The following SV2C variants were observed in gnomAD, a reference collection of about 807,000 sequenced individuals.
The protein encoded by SV2C is solute carrier family 22 member B3.
Under a neutral mutation model 79.7 loss-of-function variants are expected in SV2C, and 49 were observed. The observed-to-expected ratio is 0.61, with a 90% confidence interval of 0.49 to 0.78. The LOEUF (loss-of-function observed/expected upper bound fraction) is 0.78, where lower values mean the gene tolerates loss of function less well. Among genes scored for constraint, SV2C ranks in the 30% least tolerant of loss-of-function variants. SV2C has a pLI of 0.00. For missense variants in SV2C, 833 were observed against 912.9 expected, an observed-to-expected ratio of 0.91 and a Z score of 1.13; for synonymous variants, 334 against 333.2, an observed-to-expected ratio of 1.00 and a Z score of -0.03.
At chr5:75,986,021 A>G in the SV2C span, among the ~76,000 whole-genome samples, 1 of 151,052 alleles carries the variant, frequency 6.6e-6, no homozygotes, top group Non-Finnish European at 1.5e-5. Context: ...TTGATTGTGA[A>G]TAAATGTAGT....
chr5:76,095,590 G>A (rs1580261842), intron 1 of SV2C, among the ~76,000 whole-genome samples: 1 of 152,112 alleles, frequency 6.6e-6, no homozygotes, highest in East Asian at 1.9e-4. Context: ...GTCTTCCAAA[G>A]TCATGTGGCA....
the SV2C span, among the ~76,000 whole-genome samples, chr5:75,869,947 G>A: frequency 2.0e-5 from 3 of 152,106 alleles, no homozygotes; most frequent in Admixed American, 6.6e-5. Flanking sequence ...AGCGTTTCTG[G>A]GCTTGGGATG....
chr5:76,100,959 C>A (rs767502920), intron 1 of SV2C, among the ~76,000 whole-genome samples: 3 of 152,182 alleles, frequency 2.0e-5, no homozygotes, highest in Admixed American at 6.5e-5. Context: ...GTCCCCAAGG[C>A]TGGGGGTTGG....
At chr5:76,005,528 A>G in the SV2C span, among the ~76,000 whole-genome samples, 69,831 of 152,022 alleles carry the variant, frequency 0.46, 16,880 homozygotes, top group Middle Eastern at 0.62. Context: ...ATGACTAGGA[A>G]GGCTCATTAC....
the SV2C span, among the ~76,000 whole-genome samples, chr5:75,949,563 A>G: frequency 6.6e-6 from 1 of 152,006 alleles, no homozygotes; most frequent in African/African-American, 2.4e-5. Flanking sequence ...AGATAGCTGG[A>G]TCATAGGGGA....
At chr5:76,195,561 T>C (rs1363878117) in intron 3 of SV2C, among the ~76,000 whole-genome samples, 6 of 152,200 alleles carry the variant, frequency 3.9e-5, no homozygotes, top group Admixed American at 3.9e-4. Context: ...GTAGAAAGCC[T>C]CCTTGAGACG....
In SV2C at chr5:76,298,883, A is replaced by G. The variant is rs769292915; in HGVS notation, c.1592A>G (p.Tyr531Cys). ...TFEDVTSVNTYFKNCTFIDTV... is the reference protein window; with the variant it reads ...TFEDVTSVNTCFKNCTFIDTV... ...GAGGATGTAACTTCAGTGAACACCT[A>G]CTTCAAGAACTGCACATTTATTGAC... is the stretch of plus-strand genomic sequence containing the variant. Residue 531 changes from tyrosine (Y) to cysteine (C), a missense_variant, in exon 10 of 13, where the codon TAC (tyrosine) becomes TGC (cysteine). Coordinates refer to ENST00000502798, the MANE Select transcript of SV2C (RefSeq NM_014979.4). 16 of 1,614,002 alleles carry G rather than the reference A, an allele frequency of 9.9e-6. No individual in the cohort carries two copies. The East Asian group carries it at 3.1e-4, about 31-fold the overall frequency.
At chr5:76,334,826 G>A (rs955209538), downstream of SV2C, among the ~76,000 whole-genome samples, 1 of 152,150 alleles carries the variant, frequency 6.6e-6, no homozygotes, top group Non-Finnish European at 1.5e-5. Context: ...GACTAATCAA[G>A]AGTCACCTCT....
chr5:76,343,657 C>A (rs906216107), intron 12 of SV2C, among the ~76,000 whole-genome samples: 2 of 152,206 alleles, frequency 1.3e-5, no homozygotes, highest in African/African-American at 4.8e-5. Flanking sequence ...TTTGGAAATA[C>A]CTGCTAAAGC....
intron 1 of SV2C, among the ~76,000 whole-genome samples, chr5:76,108,511 C>G (rs953820847): frequency 6.6e-6 from 1 of 152,100 alleles, no homozygotes; most frequent in Non-Finnish European, 1.5e-5. Flanking sequence ...CTTTAAATTT[C>G]TATATTTTAA....
the SV2C span, among the ~76,000 whole-genome samples, chr5:75,947,586 C>T: frequency 6.6e-6 from 1 of 152,040 alleles, no homozygotes; most frequent in Non-Finnish European, 1.5e-5. Flanking sequence ...ATGTGCTCCA[C>T]TACGCAGAGT....
chr5:76,055,628 A>G, the SV2C span, among the ~76,000 whole-genome samples: 1 of 152,206 alleles, frequency 6.6e-6, no homozygotes, highest in South Asian at 2.1e-4. Flanking sequence ...CCTATCCATG[A>G]GCATGGAATG....
chr5:76,250,769 G>A (rs949133868), intron 4 of SV2C, among the ~76,000 whole-genome samples: 2 of 152,204 alleles, frequency 1.3e-5, no homozygotes, highest in Non-Finnish European at 2.9e-5. Context: ...ATCATCAAGA[G>A]CAAAACCCAA....
At chr5:76,171,608 TGG>T (rs1184285564) in intron 2 of SV2C, among the ~76,000 whole-genome samples, 3 of 104,892 alleles carry the variant, frequency 2.9e-5, no homozygotes, top group Admixed American at 9.0e-5. Flanking sequence ...AGGAGAGAGG[TGG>T]GGGGGGGGTC....
chr5:75,899,149 A>C, the SV2C span, among the ~76,000 whole-genome samples: 1 of 151,886 alleles, frequency 6.6e-6, no homozygotes, highest in African/African-American at 2.4e-5. Flanking sequence ...TAGTTCTTTT[A>C]ATTGCAATGT....
downstream of SV2C, among the ~76,000 whole-genome samples, chr5:76,338,740 C>T (rs1288127728): frequency 1.3e-5 from 2 of 151,114 alleles, 1 homozygote; most frequent in South Asian, 4.2e-4. Context: ...TCACTGCAAC[C>T]TCCACCTCCT....
the SV2C span, among the ~76,000 whole-genome samples, chr5:75,978,916 G>A: frequency 2.0e-5 from 3 of 151,882 alleles, no homozygotes; most frequent in African/African-American, 7.3e-5. Flanking sequence ...TGGGAGGCAG[G>A]GGTTGCAGTG....
chr5:76,349,669 A>ATT (rs34691117), intron 12 of SV2C, among the ~76,000 whole-genome samples: 6,400 of 137,492 alleles, frequency 0.047, 228 homozygotes, highest in Middle Eastern at 0.098. Context: ...TTTAGCCTTC[A>ATT]TTTTTTTTTT....
chr5:75,950,448 A>G, the SV2C span, among the ~76,000 whole-genome samples: 3 of 152,058 alleles, frequency 2.0e-5, no homozygotes, highest in Admixed American at 6.6e-5. Flanking sequence ...ACAAAGTAAT[A>G]TGACTAATTT....
Sources: allele counts gnomAD v4.1 joint callset (sites outside exome capture counted in the v4.1 genomes callset), GRCh38; gene constraint gnomAD v4.1.1; transcripts MANE v1.5; gene names NCBI Gene and HGNC (gene_info 2026-07-23, HGNC 2026-07-21).